ATP12A: variants seen among roughly 807,000 people sequenced by gnomAD.
The protein encoded by ATP12A is potassium-transporting ATPase alpha chain 2.
ATP12A carries 81 observed loss-of-function variants against 111.2 expected under a neutral mutation model. The ratio of observed to expected loss-of-function variants is 0.73; its 90% confidence interval spans 0.61 to 0.88. The LOEUF (loss-of-function observed/expected upper bound fraction) is 0.88, where lower values mean the gene tolerates loss of function less well. Ranked by LOEUF, ATP12A falls within the 40% of genes least tolerant of loss-of-function variation. ATP12A has a pLI of 0.00. For synonymous variants in ATP12A, 498 were observed against 499.8 expected (o/e 1.00, Z 0.05); for missense variants, 1,196 against 1,313.1 (o/e 0.91, Z 1.38).
rs1874623156 is a variant in ATP12A, at chr13:24,685,164, C to T, written c.169-150C>T. 8.6e-6 allele frequency: 6 copies of T among 700,476 alleles called. No individual in the cohort carries two copies. The highest frequency in any genetic ancestry group is 1.5e-5 in the Non-Finnish European group (6 of 401,420). 43.4% of individuals were successfully genotyped at this position (700,476 alleles called of 1,614,324 possible). On this transcript the variant is annotated intron_variant, in intron 2 of 22. Transcript: ENST00000381946. The surrounding 1 kb of genome is among the most constrained non-coding windows in gnomAD (Gnocchi z 5.5). Reference sequence around the variant, plus strand: ...TCCTTCGCTGGGCAGCTGCCTGGCACAGGGGTTCTTTCTCTCCTGTCCCCC... The same window carrying T: ...TCCTTCGCTGGGCAGCTGCCTGGCATAGGGGTTCTTTCTCTCCTGTCCCCC...
intron 14 of ATP12A, 137 bp downstream of exon 14, chr13:24,702,208 C>T (rs1593140954): frequency 2.6e-6 from 3 of 1,138,982 alleles, no homozygotes; most frequent in Non-Finnish European, 3.8e-6. Flanking sequence ...CTATTATTTG[C>T]ATATCCATGT....
At chr13:24,710,674 A>G in intron 20 of ATP12A, 81 bp downstream of exon 20, 1 of 1,607,180 alleles carries the variant, frequency 6.2e-7, no homozygotes. Flanking sequence ...CACAAGACAG[A>G]GTTCTGGCCA....
At position 24,690,973 on chromosome 13, in the gene ATP12A, C is replaced by G; in HGVS notation, c.800-9C>G. 1 of 1,613,920 alleles carries G rather than the reference C, an allele frequency of 6.2e-7. No homozygotes were observed. Among genetic ancestry groups the G allele is most frequent in the Non-Finnish European group, 8.5e-7 (1 of 1,179,802 alleles). ...GACCCCTGGAATAAAGCATCTACTTCCCCTGTAGGCACTGTCACCGGCATG... is the reference window on the plus strand; with the variant it reads ...GACCCCTGGAATAAAGCATCTACTTGCCCTGTAGGCACTGTCACCGGCATG... On this transcript the variant is annotated splice_polypyrimidine_tract_variant and intron_variant, in intron 7 of 22. Coordinates refer to ENST00000381946, the MANE Select transcript of ATP12A (RefSeq NM_001676.7).
chr13:24,701,313 A>C (rs4294646), intron 13 of ATP12A, among the ~76,000 whole-genome samples: 37,477 of 151,910 alleles, frequency 0.25, 5,001 homozygotes, highest in East Asian at 0.48. Flanking sequence ...GCCATGGCCA[A>C]CATGGTGAAA....
chr13:24,700,630 T>C, intron 12 of ATP12A, 117 bp from the exon 13 acceptor site: 1 of 877,610 alleles, frequency 1.1e-6, no homozygotes, highest in Non-Finnish European at 1.7e-6. Flanking sequence ...CAATTCTGGC[T>C]TATTCTAATG....
chr13:24,703,875 G>A (rs1225417014), intron 14 of ATP12A, among the ~76,000 whole-genome samples: 1 of 140,602 alleles, frequency 7.1e-6, no homozygotes, highest in Non-Finnish European at 1.5e-5. Flanking sequence ...GTCTTTCTCT[G>A]TTGCCTAGGC....
chr13:24,681,774 G>A, intron 2 of ATP12A, 54 bp downstream of exon 2: 1 of 1,607,458 alleles, frequency 6.2e-7, no homozygotes, highest in Non-Finnish European at 8.5e-7. Flanking sequence ...CCCCGCAAGA[G>A]CTTGCCCCTA....
intron 2 of ATP12A, among the ~76,000 whole-genome samples, chr13:24,683,180 A>G (rs964067900): frequency 4.0e-5 from 6 of 151,040 alleles, no homozygotes; most frequent in Non-Finnish European, 5.9e-5. Context: ...CTGCTCTCGA[A>G]CTCCTGACCT....
At chr13:24,695,019 C>T (rs530376080) in intron 11 of ATP12A, among the ~76,000 whole-genome samples, 1 of 152,214 alleles carries the variant, frequency 6.6e-6, no homozygotes, top group African/African-American at 2.4e-5. Flanking sequence ...CCTCGACCTA[C>T]GTGGCCTTGT....
intron 4 of ATP12A, among the ~76,000 whole-genome samples, 170 bp downstream of exon 4, chr13:24,688,692 G>A (rs1874759451): frequency 6.6e-6 from 1 of 152,154 alleles, no homozygotes; most frequent in East Asian, 1.9e-4. Flanking sequence ...GAGGCAGTGT[G>A]GGCATGAAGA....
chr13:24,705,643 C>G (rs1265176956), intron 14 of ATP12A, among the ~76,000 whole-genome samples: 1 of 152,126 alleles, frequency 6.6e-6, no homozygotes, highest in African/African-American at 2.4e-5. Context: ...GGACCCAAAA[C>G]ATATGAACAG....
Position 24,710,522 on chromosome 13 carries a change from A to C in ATP12A, c.2826A>C (p.Leu942=). Reference sequence around the variant, plus strand: ...ACACGGCTTTCTTTGTTGGCATCCTAGTCCAGCAAATAGCAGATCTGATCA... The same window carrying C: ...ACACGGCTTTCTTTGTTGGCATCCTCGTCCAGCAAATAGCAGATCTGATCA... ...TGYTAFFVGI[L]VQQIADLIIR... The change falls in exon 20 of 23, where the codon CTA becomes CTC. Residue 942 remains leucine, a synonymous_variant. Coordinates refer to ENST00000381946, the MANE Select transcript of ATP12A (RefSeq NM_001676.7). The C allele has an allele frequency of 6.2e-7, 1 of 1,614,232 alleles. No homozygotes were observed. Among genetic ancestry groups the C allele is most frequent in the Non-Finnish European group, 8.5e-7 (1 of 1,180,038 alleles).
intron 3 of ATP12A, among the ~76,000 whole-genome samples, chr13:24,686,992 GGAACACCCCTGAGGA>G (rs1443159282): frequency 4.6e-5 from 7 of 152,066 alleles, no homozygotes; most frequent in African/African-American, 1.7e-4. Flanking sequence ...AAGTCTCTCC[GGAACACCCCTGAGGA>G]AATGTTCCAC....
chr13:24,706,610 C>A, intron 15 of ATP12A, 147 bp downstream of exon 15: 2 of 1,224,632 alleles, frequency 1.6e-6, no homozygotes, highest in Non-Finnish European at 2.2e-6. Flanking sequence ...ACCTCTCCAA[C>A]CTCTCAGGTG....
chr13:24,690,528 G>T (rs7996324), intron 6 of ATP12A, 56 bp downstream of exon 6: 387,002 of 1,605,092 alleles, frequency 0.24, 50,863 homozygotes, highest in East Asian at 0.5. Flanking sequence ...GCTGGCTCTG[G>T]GGTCTTTCCC....
intron 19 of ATP12A, 38 bp from the exon 20 acceptor site, chr13:24,710,422 T>C: frequency 6.2e-7 from 1 of 1,608,964 alleles, no homozygotes; most frequent in Non-Finnish European, 8.5e-7. Context: ...AGTTTTCCTT[T>C]AGGCCTCAAG....
At position 24,692,410 on chromosome 13, in the gene ATP12A, T is replaced by TCCTTC; in HGVS notation, c.1069-15_1069-11dup. On this transcript the variant is annotated intron_variant, in intron 8 of 22. Transcript: ENST00000381946. Reference sequence around the variant, plus strand: ...TCAAATGAGGATTTTTCCCAAAGCGTCCTTCCCTCTCCTGCTAGGTGACCC... The same window carrying TCCTTC: ...TCAAATGAGGATTTTTCCCAAAGCGTCCTTCCCTTCCCTCTCCTGCTAGGTGACCC... 1 of 1,611,688 alleles carries TCCTTC rather than the reference T, an allele frequency of 6.2e-7. No homozygotes were observed. The highest frequency in any genetic ancestry group is 1.3e-5 in the African/African-American group (1 of 74,984).
intron 5 of ATP12A, 21 bp downstream of exon 5, chr13:24,689,396 C>G (rs1874786972): frequency 6.3e-7 from 1 of 1,592,256 alleles, no homozygotes; most frequent in Admixed American, 1.7e-5. Context: ...GCCACCTATC[C>G]TCTGGCCTCT....
At position 24,690,417 on chromosome 13, in the gene ATP12A, A is replaced by G; in HGVS notation, c.626A>G (p.Lys209Arg). 1 of 1,613,230 alleles carries G rather than the reference A, an allele frequency of 6.2e-7. No homozygotes were observed. Among genetic ancestry groups the G allele is most frequent in the Non-Finnish European group, 8.5e-7 (1 of 1,179,882 alleles). ...GTGGTGGGGGACATTGTGGAGGTCA[A>G]AGGAGGAGACCAGATCCCTGCAGAC... ...QLVVGDIVEVKGGDQIPADIR... is the reference protein window; with the variant it reads ...QLVVGDIVEVRGGDQIPADIR... Residue 209 changes from lysine to arginine, a missense_variant, in exon 6 of 23, where the codon AAA becomes AGA. Around this residue, in one of 3 missense-constraint regions of ATP12A, gnomAD observed 1,126 missense variants for 1,228.5 expected, o/e 0.92. Coordinates refer to ENST00000381946, the MANE Select transcript of ATP12A (RefSeq NM_001676.7).
Sources: gnomAD v4.1 joint callset for allele counts (sites outside exome capture counted in the v4.1 genomes callset) on GRCh38, gnomAD v4.1.1 for gene constraint, gnomAD v4.1.1 regional missense constraint, Gnocchi (gnomAD v3.1) non-coding constraint, MANE v1.5 for transcripts, NCBI Gene and HGNC (gene_info 2026-07-23, HGNC 2026-07-21) for gene names.